ATOSB: variants seen among roughly 807,000 people sequenced by gnomAD.
The protein encoded by ATOSB is atos homolog B.
chr9:35,108,359 A>C, the ATOSB span: 1 of 1,435,158 alleles, frequency 7.0e-7, no homozygotes, highest in Non-Finnish European at 9.1e-7. Context: ...TCTGTGTAAG[A>C]GAAGAGAAGA....
At chr9:35,106,749 G>GGTCCCCTA in the ATOSB span, 1 of 1,501,406 alleles carries the variant, frequency 6.7e-7, no homozygotes, top group Non-Finnish European at 9.1e-7. The surrounding 1 kb of genome is among the most constrained non-coding windows in gnomAD (Gnocchi z 4.6). Context: ...TCTGCCCTGG[G>GGTCCCCTA]GTCCCCTACT....
At chr9:35,104,864 A>T in the ATOSB span, 1 of 168,500 alleles carries the variant, frequency 5.9e-6, no homozygotes, top group Non-Finnish European at 1.3e-5. Flanking sequence ...CAATTTGAAT[A>T]AATTATAAAT....
the ATOSB span, chr9:35,104,813 G>A: frequency 7.1e-4 from 126 of 178,076 alleles, 1 homozygote; most frequent in South Asian, 0.013. Context: ...GCGGGGAGGA[G>A]TGATGCCAAT....
At chr9:35,110,021 G>C in the ATOSB span, 1 of 151,564 alleles carries the variant, frequency 6.6e-6, no homozygotes, top group African/African-American at 2.4e-5. Context: ...TTGTACAAGG[G>C]AAAATCAGGA....
the ATOSB span, chr9:35,106,958 A>C: frequency 1.4e-3 from 1,965 of 1,369,986 alleles, no homozygotes; most frequent in Non-Finnish European, 1.8e-3. This position sits in a 1 kb window ranked among gnomAD's most constrained non-coding sequence, Gnocchi z 4.6. Context: ...GCAGAAGCTC[A>C]TCACAAACTC....
the ATOSB span, chr9:35,108,199 C>T: frequency 1.3e-6 from 2 of 1,595,930 alleles, no homozygotes; most frequent in Non-Finnish European, 1.7e-6. Context: ...TGGAGGGCCC[C>T]CTGCCTGACT....
chr9:35,112,947 T>C, the ATOSB span, among the ~76,000 whole-genome samples: 1 of 152,122 alleles, frequency 6.6e-6, no homozygotes, highest in Non-Finnish European at 1.5e-5. Context: ...ACAGTCCCTC[T>C]AAGCTCCCTT....
chr9:35,105,659 C>G, the ATOSB span: 1 of 1,608,280 alleles, frequency 6.2e-7, no homozygotes, highest in Non-Finnish European at 8.5e-7. This position sits in a 1 kb window ranked among gnomAD's most constrained non-coding sequence, Gnocchi z 5.5. Flanking sequence ...GCCTCCCCAG[C>G]CATCCCTGGG....
the ATOSB span, chr9:35,106,870 T>C: frequency 1.9e-5 from 30 of 1,572,368 alleles, no homozygotes; most frequent in Non-Finnish European, 2.5e-5. The surrounding 1 kb of genome is among the most constrained non-coding windows in gnomAD (Gnocchi z 4.6). Flanking sequence ...CTCCGCCCCA[T>C]GGGACCGCAG....
chr9:35,109,761 C>T, the ATOSB span: 2 of 152,498 alleles, frequency 1.3e-5, no homozygotes, highest in East Asian at 1.9e-4. Context: ...TGAGACCTCA[C>T]CTATGGCAGT....
the ATOSB span, chr9:35,104,970 C>G: frequency 2.8e-6 from 1 of 363,592 alleles, no homozygotes; most frequent in Non-Finnish European, 4.9e-6. Context: ...CAGGGTAGCT[C>G]CAGTTCCTCC....
At chr9:35,108,130 G>A in the ATOSB span, 1 of 1,570,386 alleles carries the variant, frequency 6.4e-7, no homozygotes. Context: ...ATGGATACCT[G>A]GTAGACCCCG....
chr9:35,107,335 A>T, the ATOSB span: 1 of 1,551,774 alleles, frequency 6.4e-7, no homozygotes, highest in Non-Finnish European at 8.6e-7. Flanking sequence ...AAAAAAAAAA[A>T]AAAAAAAAGT....
At chr9:35,114,067 G>A in the ATOSB span, among the ~76,000 whole-genome samples, 27 of 152,280 alleles carry the variant, frequency 1.8e-4, no homozygotes, top group African/African-American at 6.0e-4. Context: ...CAATTCTAAT[G>A]ACTGTTGTTC....
chr9:35,106,187 C>G, the ATOSB span: 1 of 1,603,664 alleles, frequency 6.2e-7, no homozygotes, highest in Non-Finnish European at 8.5e-7. This position sits in a 1 kb window ranked among gnomAD's most constrained non-coding sequence, Gnocchi z 4.6. Context: ...CTCTTGCCCC[C>G]TGGCCCCGCC....
chr9:35,105,610 G>A, the ATOSB span: 35 of 1,492,504 alleles, frequency 2.3e-5, no homozygotes, highest in Admixed American at 5.9e-4. This position sits in a 1 kb window ranked among gnomAD's most constrained non-coding sequence, Gnocchi z 5.5. Context: ...GGACAGTATC[G>A]AAGCAAGGAG....
chr9:35,107,686 C>G, the ATOSB span: 41 of 1,609,484 alleles, frequency 2.5e-5, no homozygotes, highest in African/African-American at 5.3e-4. Flanking sequence ...CTCTTACCCC[C>G]TATTTGTGCA....
chr9:35,110,262 A>C, the ATOSB span: 7 of 152,272 alleles, frequency 4.6e-5, no homozygotes, highest in African/African-American at 1.7e-4. Flanking sequence ...ACCTTGTCAG[A>C]AGGTACAACC....
chr9:35,107,994 TC>T, the ATOSB span: 1 of 1,589,552 alleles, frequency 6.3e-7, no homozygotes, highest in Non-Finnish European at 8.6e-7. Flanking sequence ...AGATGGTTCT[TC>T]AGGGGGTAGT....
Sources: gnomAD v4.1 joint callset for allele counts (sites outside exome capture counted in the v4.1 genomes callset) on GRCh38, gnomAD v4.1.1 for gene constraint, Gnocchi (gnomAD v3.1) non-coding constraint, MANE v1.5 for transcripts, NCBI Gene and HGNC (gene_info 2026-07-23, HGNC 2026-07-21) for gene names.